GALNTL6: variants seen among roughly 807,000 people sequenced by gnomAD.
GALNTL6 encodes polypeptide N-acetylgalactosaminyltransferase like 6.
Under a neutral mutation model 73.7 loss-of-function variants are expected in GALNTL6, and 46 were observed. The ratio of observed to expected loss-of-function variants is 0.62; its 90% CI spans 0.49 to 0.80. The LOEUF (loss-of-function observed/expected upper bound fraction) is 0.80, where lower values mean the gene tolerates loss of function less well. Ranked by LOEUF, GALNTL6 falls within the 30% of genes least tolerant of loss-of-function variation. The pLI, the probability that GALNTL6 is intolerant of heterozygous loss-of-function variation, is 0.00. For synonymous variants in GALNTL6, 259 were observed against 263.7 expected (o/e 0.98, Z 0.17); for missense variants, 604 against 755.0 (o/e 0.80, Z 2.34).
At chr4:171,991,888 C>G (rs1306894176) in intron 2 of GALNTL6, among the ~76,000 whole-genome samples, 1 of 151,308 alleles carries the variant, frequency 6.6e-6, no homozygotes, top group Non-Finnish European at 1.5e-5. Context: ...AATCTTATGT[C>G]AATAAGTAAC....
intron 7 of GALNTL6, among the ~76,000 whole-genome samples, chr4:172,852,676 G>A (rs780410504): frequency 8.5e-5 from 13 of 152,188 alleles, no homozygotes; most frequent in East Asian, 1.9e-4. Context: ...TTCCGGAAAG[G>A]CAAGAACACT....
intron 5 of GALNTL6, among the ~76,000 whole-genome samples, chr4:172,704,787 G>A (rs187320966): frequency 9.4e-4 from 143 of 152,052 alleles, no homozygotes; most frequent in East Asian, 7.1e-3. Flanking sequence ...AAAATGGGAT[G>A]TGGAAGTCTT....
At chr4:172,534,105 T>C (rs1735261783) in intron 5 of GALNTL6, among the ~76,000 whole-genome samples, 1 of 152,152 alleles carries the variant, frequency 6.6e-6, no homozygotes, top group Non-Finnish European at 1.5e-5. Flanking sequence ...GGGGAAATGA[T>C]TGGAACGTTT....
At chr4:172,633,691 G>A (rs539915178) in intron 5 of GALNTL6, among the ~76,000 whole-genome samples, 1 of 152,292 alleles carries the variant, frequency 6.6e-6, no homozygotes, top group African/African-American at 2.4e-5. Flanking sequence ...ATCTTGGAGG[G>A]GCCAGGGGTG....
At chr4:172,986,888 T>C (rs926968213) in intron 10 of GALNTL6, among the ~76,000 whole-genome samples, 4 of 152,104 alleles carry the variant, frequency 2.6e-5, no homozygotes, top group African/African-American at 9.7e-5. Flanking sequence ...AAAAAGAAGG[T>C]AGTAGTCCAA....
At chr4:172,284,687 T>C (rs1056172275) in intron 3 of GALNTL6, among the ~76,000 whole-genome samples, 1 of 152,206 alleles carries the variant, frequency 6.6e-6, no homozygotes. Flanking sequence ...TTGGGTCTGT[T>C]TTCAGTCTTT....
At chr4:172,813,812 T>G in intron 7 of GALNTL6, 89 bp downstream of exon 7, 12 of 997,056 alleles carry the variant, frequency 1.2e-5, no homozygotes, top group South Asian at 1.9e-5. Context: ...CAATTATCTC[T>G]AACAAAATGG....
At chr4:172,315,213 A>G (rs1740500732) in intron 4 of GALNTL6, among the ~76,000 whole-genome samples, 1 of 152,162 alleles carries the variant, frequency 6.6e-6, no homozygotes, top group Non-Finnish European at 1.5e-5. Context: ...TGGTATGTCA[A>G]ATTTTTAATC....
intron 5 of GALNTL6, among the ~76,000 whole-genome samples, chr4:172,580,195 G>T (rs1039240791): frequency 6.6e-6 from 1 of 152,010 alleles, no homozygotes; most frequent in Non-Finnish European, 1.5e-5. Flanking sequence ...CCAACATGAG[G>T]AAAATCAATG....
At chr4:172,277,964 C>T (rs994932035) in intron 3 of GALNTL6, among the ~76,000 whole-genome samples, 1 of 152,108 alleles carries the variant, frequency 6.6e-6, no homozygotes, top group Non-Finnish European at 1.5e-5. Flanking sequence ...AAACATATAA[C>T]TCAATATGAC....
intron 2 of GALNTL6, among the ~76,000 whole-genome samples, chr4:171,931,691 A>T (rs1560846783): frequency 6.6e-6 from 1 of 152,232 alleles, no homozygotes; most frequent in Non-Finnish European, 1.5e-5. Flanking sequence ...TCAAATTTGA[A>T]TATCAACTAG....
At chr4:172,503,299 A>C (rs949564735) in intron 5 of GALNTL6, among the ~76,000 whole-genome samples, 1 of 152,070 alleles carries the variant, frequency 6.6e-6, no homozygotes, top group African/African-American at 2.4e-5. Flanking sequence ...CATGGCCTAC[A>C]TATTGCTTAA....
intron 5 of GALNTL6, among the ~76,000 whole-genome samples, chr4:172,359,381 A>G (rs1742284931): frequency 6.6e-6 from 1 of 152,148 alleles, no homozygotes. Context: ...GAGGGACAGG[A>G]TAAGAAAAAA....
At chr4:172,578,023 A>C (rs1050397796) in intron 5 of GALNTL6, among the ~76,000 whole-genome samples, 3 of 152,170 alleles carry the variant, frequency 2.0e-5, no homozygotes, top group African/African-American at 7.2e-5. Context: ...GGAGCTTTAT[A>C]CTTCCAAAGT....
rs1336079927 is a variant in GALNTL6, at chr4:172,206,816, TTG to T, written c.139-22838_139-22837del. ...TGTTTTGTTTTTCTGTTTTTTTTGT[TTG>T]TTTTTTTTTTTTTTTTTGAGACGGA... On this transcript the variant is annotated intron_variant, in intron 2 of 12. Coordinates refer to ENST00000506823, the MANE Select transcript of GALNTL6 (RefSeq NM_001034845.3). Among the ~76,000 whole-genome samples the T allele has an allele frequency of 1.7e-3, 97 of 57,918 alleles. 4 individuals carry two copies. The highest frequency in any genetic ancestry group is 8.3e-3 in the Middle Eastern group (1 of 120). 38.0% of individuals were successfully genotyped at this position (57,918 alleles called of 152,430 possible). A position where few individuals can be genotyped will look rare whatever the true frequency, so the allele number is the denominator to read the frequency against.
rs547012256 is a variant in GALNTL6 at position 172,725,261 on chromosome 4, T to C, written c.554-84100T>C. On this transcript the variant is annotated intron_variant, in intron 5 of 12. Transcript: ENST00000506823. ...ATTATAAACATTAATAAAAGCAACT[T>C]CCAACTGAATATTACATAGTCCTAG... Among the ~76,000 whole-genome samples the C allele has an allele frequency of 9.8e-5, 15 of 152,340 alleles. No homozygotes were observed. In the East Asian group the frequency reaches 2.9e-3, roughly 29 times the overall value.
At chr4:171,951,070 A>T (rs758694980) in intron 2 of GALNTL6, among the ~76,000 whole-genome samples, 2 of 152,150 alleles carry the variant, frequency 1.3e-5, no homozygotes, top group Admixed American at 6.6e-5. Context: ...GAATAAACAC[A>T]CTATTTGAAG....
intron 5 of GALNTL6, among the ~76,000 whole-genome samples, chr4:172,417,147 ACT>A (rs752451152): frequency 9.9e-4 from 150 of 151,154 alleles, no homozygotes; most frequent in Non-Finnish European, 1.8e-3. Flanking sequence ...GTCATTCCTG[ACT>A]CTGATTCTCC....
intron 9 of GALNTL6, among the ~76,000 whole-genome samples, chr4:172,947,631 T>C (rs147316500): frequency 1.3e-5 from 2 of 152,030 alleles, no homozygotes; most frequent in Non-Finnish European, 2.9e-5. Context: ...GTCCATTCAA[T>C]CTCAGAGAAA....
Sources: gnomAD v4.1 joint callset for allele counts (sites outside exome capture counted in the v4.1 genomes callset) on GRCh38, gnomAD v4.1.1 for gene constraint, MANE v1.5 for transcripts, NCBI Gene and HGNC (gene_info 2026-07-23, HGNC 2026-07-21) for gene names.